Variants in DHRS7B observed in about 807,000 individuals in gnomAD.
DHRS7B encodes the protein peroxisomal reductase activating PPAR-gamma.
A neutral mutation model predicts 26.4 loss-of-function variants in DHRS7B; 24 were observed. The ratio of observed to expected loss-of-function variants is 0.91; its 90% confidence interval spans 0.66 to 1.28. DHRS7B has a LOEUF of 1.28. Among genes scored for constraint, DHRS7B ranks in the 50% most tolerant of loss-of-function variants. DHRS7B has a pLI of 0.00. For synonymous variants in DHRS7B, 142 were observed against 166.4 expected (o/e 0.85, Z 1.13); for missense variants, 368 against 419.4 (o/e 0.88, Z 1.07).
At chr17:21,160,535 T>G (rs548286042) in intron 1 of DHRS7B, among the ~76,000 whole-genome samples, 9 of 152,228 alleles carry the variant, frequency 5.9e-5, no homozygotes, top group Middle Eastern at 3.4e-3. Context: ...ATACCACCAC[T>G]AAATAGGATG....
At position 21,176,533 on chromosome 17, in the gene DHRS7B, C is replaced by T. The variant is rs1267763298; in HGVS notation, c.200-1700C>T. ...GAAGGATCACTGGAACCCAGGAGTT[C>T]GAGGCTACAGTGAACTATAATTGTG... On this transcript the variant is annotated intron_variant, in intron 2 of 6. Transcript: ENST00000395511. Among the ~76,000 whole-genome samples the T allele has an allele frequency of 4.6e-5, 7 of 151,860 alleles. No homozygotes were observed. In the East Asian group the frequency reaches 9.9e-4, roughly 22 times the overall value.
At chr17:21,168,328 T>C (rs1053032608) in intron 1 of DHRS7B, among the ~76,000 whole-genome samples, 1 of 152,162 alleles carries the variant, frequency 6.6e-6, no homozygotes, top group Non-Finnish European at 1.5e-5. Flanking sequence ...TTTCCCACCA[T>C]GGTCATTCTT....
At chr17:21,132,342 A>T (rs1199400181) in intron 1 of DHRS7B, among the ~76,000 whole-genome samples, 3 of 133,840 alleles carry the variant, frequency 2.2e-5, no homozygotes, top group South Asian at 2.2e-4. Context: ...CTCTTAAAAA[A>T]AAAAAAATAT....
rs149946409 is a variant in DHRS7B at position 21,151,103 on chromosome 17, C to T, written c.21-20915C>T. Among the ~76,000 whole-genome samples, 108 of 152,288 alleles carry T rather than the reference C, an allele frequency of 7.1e-4. 1 individual carries two copies. The highest frequency in any genetic ancestry group is 1.4e-3 in the Admixed American group (22 of 15,298). The stretch of plus-strand genomic sequence containing the variant: ...CTCAAAAGCAGCAAAAGAAAAATTA[C>T]GCATCAGATACAAGGGAACAACAGT... On this transcript the variant is annotated intron_variant, in intron 1 of 6. Coordinates refer to ENST00000395511, the MANE Select transcript of DHRS7B (RefSeq NM_015510.5).
intron 1 of DHRS7B, chr17:21,166,405 C>G: frequency 1.0e-6 from 1 of 985,334 alleles, no homozygotes; most frequent in Non-Finnish European, 1.2e-6. Context: ...TCCTCTGGCC[C>G]AGGTCAAAAG....
At chr17:21,185,928 TC>T (rs1184158728) in intron 5 of DHRS7B, among the ~76,000 whole-genome samples, 1 of 152,196 alleles carries the variant, frequency 6.6e-6, no homozygotes, top group African/African-American at 2.4e-5. Context: ...CCTCAAGTGA[TC>T]CGCCCACCTC....
At chr17:21,163,290 C>G (rs932304144) in intron 1 of DHRS7B, among the ~76,000 whole-genome samples, 1 of 151,972 alleles carries the variant, frequency 6.6e-6, no homozygotes, top group African/African-American at 2.4e-5. Flanking sequence ...TGTCAGGACA[C>G]TAGGGGGACA....
chr17:21,159,753 A>T (rs1973960194), intron 1 of DHRS7B, among the ~76,000 whole-genome samples: 1 of 151,018 alleles, frequency 6.6e-6, no homozygotes, highest in Non-Finnish European at 1.5e-5. Flanking sequence ...GTGTGCCTAT[A>T]GTCCTAGCTA....
At chr17:21,165,916 C>CAA (rs11346854) in intron 1 of DHRS7B, among the ~76,000 whole-genome samples, 3,238 of 119,236 alleles carry the variant, frequency 0.027, 124 homozygotes, top group African/African-American at 0.072. Flanking sequence ...ACTCCGTCTC[C>CAA]AAAAAAAAAA....
chr17:21,155,651 G>C (rs997456801), intron 1 of DHRS7B, among the ~76,000 whole-genome samples: 5 of 152,166 alleles, frequency 3.3e-5, no homozygotes, highest in Non-Finnish European at 7.4e-5. Flanking sequence ...AAACTACTTT[G>C]TCCAACAACA....
chr17:21,190,350 T>G (rs868780146), intron 6 of DHRS7B, among the ~76,000 whole-genome samples: 8 of 152,224 alleles, frequency 5.3e-5, no homozygotes, highest in Middle Eastern at 6.8e-3. Flanking sequence ...TAAAACAAAC[T>G]AAGGACTTCT....
chr17:21,189,599 C>T (rs1009308685), intron 6 of DHRS7B, among the ~76,000 whole-genome samples: 3 of 152,226 alleles, frequency 2.0e-5, no homozygotes, highest in African/African-American at 7.2e-5. Context: ...TGGTCCTGCG[C>T]CCGGCCCAGC....
chr17:21,142,334 T>G (rs768689721), intron 1 of DHRS7B, among the ~76,000 whole-genome samples: 1 of 152,148 alleles, frequency 6.6e-6, no homozygotes, highest in African/African-American at 2.4e-5. Context: ...AGTTGCTAGG[T>G]CAGGGGTCGA....
intron 5 of DHRS7B, among the ~76,000 whole-genome samples, chr17:21,185,327 G>T (rs1017946762): frequency 6.6e-6 from 1 of 152,226 alleles, no homozygotes; most frequent in African/African-American, 2.4e-5. Flanking sequence ...CACTTTGCAA[G>T]GGCAGCCCCA....
At chr17:21,188,024 G>A (rs1974686671) in intron 5 of DHRS7B, among the ~76,000 whole-genome samples, 1 of 151,830 alleles carries the variant, frequency 6.6e-6, no homozygotes, top group African/African-American at 2.4e-5. Context: ...AATTTTTTTT[G>A]TATATTTAGT....
intron 5 of DHRS7B, among the ~76,000 whole-genome samples, chr17:21,188,293 A>G (rs544474112): frequency 2.9e-4 from 44 of 152,234 alleles, no homozygotes; most frequent in African/African-American, 9.9e-4. Context: ...ATGCATATAT[A>G]CCGTTTATAA....
At chr17:21,147,282 G>T (rs995156450) in intron 1 of DHRS7B, among the ~76,000 whole-genome samples, 12 of 152,082 alleles carry the variant, frequency 7.9e-5, no homozygotes, top group South Asian at 4.2e-4. Context: ...GAAGCCTTGG[G>T]CTATGGCAGA....
intron 1 of DHRS7B, among the ~76,000 whole-genome samples, chr17:21,137,501 A>G (rs1027167140): frequency 2.0e-5 from 3 of 149,464 alleles, no homozygotes; most frequent in Non-Finnish European, 3.0e-5. Flanking sequence ...CTTGTTGCCC[A>G]GGCTGGAGTG....
intron 3 of DHRS7B, among the ~76,000 whole-genome samples, chr17:21,180,406 A>G (rs1200791807): frequency 6.6e-6 from 1 of 152,086 alleles, no homozygotes; most frequent in Non-Finnish European, 1.5e-5. Context: ...CATTTAGGTG[A>G]TTGATCCATT....
Sources: gnomAD v4.1 joint callset for allele counts (sites outside exome capture counted in the v4.1 genomes callset) on GRCh38, gnomAD v4.1.1 for gene constraint, MANE v1.5 for transcripts, NCBI Gene and HGNC (gene_info 2026-07-23, HGNC 2026-07-21) for gene names.